Variants in ADAM11 observed in about 807,000 individuals in gnomAD.
The protein encoded by ADAM11 is disintegrin and metalloproteinase domain-containing protein 11.
In ADAM11, 49 loss-of-function variants were observed where a neutral mutation model predicts 119.1. That is an observed-to-expected ratio of 0.41 (90% CI 0.33 to 0.52). The LOEUF (loss-of-function observed/expected upper bound fraction) is 0.52. Ranked by LOEUF, ADAM11 falls within the 20% of genes least tolerant of loss-of-function variation. The pLI, the probability that ADAM11 is intolerant of heterozygous loss-of-function variation, is 0.20. For synonymous variants in ADAM11, 364 were observed against 408.0 expected (o/e 0.89, Z 1.30); for missense variants, 777 against 1,047.5 (o/e 0.74, Z 3.56).
At position 44,773,284 on chromosome 17, in the gene ADAM11, T is replaced by C; in HGVS notation, c.849T>C (p.Thr283=). ...ADVIYKEQLN[T]RIVLVAMETW... The stretch of plus-strand genomic sequence containing the variant: ...AGATATACAAGGAGCAGCTCAACAC[T>C]CGCATCGTCCTGGTTGCCATGGAAA... Residue 283 remains threonine, a synonymous_variant, in exon 11 of 27, where the codon ACT becomes ACC. Transcript: ENST00000200557. The surrounding 1 kb of genome is among the most constrained non-coding windows in gnomAD (Gnocchi z 4.6). The C allele has an allele frequency of 6.3e-7, 1 of 1,595,460 alleles. No homozygotes were observed. The highest frequency in any genetic ancestry group is 1.7e-5 in the Admixed American group (1 of 59,308).
Position 44,770,074 on chromosome 17 carries a change from G to A in ADAM11, c.381+26G>A, listed in dbSNP as rs889989252. 5.6e-6 allele frequency: 9 copies of A among 1,612,452 alleles called. No homozygotes were observed. The African/African-American group carries it at 1.1e-4, about 19-fold the overall frequency. On this transcript the variant is annotated intron_variant, in intron 4 of 26. Transcript: ENST00000200557. The stretch of plus-strand genomic sequence containing the variant: ...GTGAGTGCCACTGCAGGGGACCGGG[G>A]CCGGGGATGGAAGGGAGGTGCTGTT...
intron 2 of ADAM11, among the ~76,000 whole-genome samples, chr17:44,768,197 G>A (rs2049474271): frequency 6.6e-6 from 1 of 152,192 alleles, no homozygotes; most frequent in African/African-American, 2.4e-5. Flanking sequence ...CCAGGGGCAG[G>A]GGAAGGCCAG....
chr17:44,780,171 G>A lies in ADAM11; in HGVS notation c.*417G>A, dbSNP rs1041413686. 13 of 533,524 alleles carry A rather than the reference G, an allele frequency of 2.4e-5. No individual in the cohort carries two copies. Among genetic ancestry groups the A allele is most frequent in the African/African-American group, 2.3e-4 (12 of 52,582 alleles). The allele number at this position is 533,524 out of a possible 1,614,324, so 33.0% of individuals were successfully genotyped here. ...TTACCTCTCTGGGACCTAGGGGGAC[G>A]GGGCTGACATCTACATTTTTTAAAA... On this transcript the variant is annotated 3_prime_UTR_variant, in exon 27 of 27. Transcript: ENST00000200557.
rs555296982 is a variant in ADAM11 at position 44,772,395 on chromosome 17, A to C, written c.611-4A>C. 12 of 1,579,308 alleles carry C rather than the reference A, an allele frequency of 7.6e-6. No individual in the cohort carries two copies. The African/African-American group carries it at 1.6e-4, about 21-fold the overall frequency. ...GTGCCCCCCTCACCTGCCCCTCCCC[A>C]CAGGCTGCCTGTTTGCTGTGCCTGC... On this transcript the variant is annotated splice_polypyrimidine_tract_variant and splice_region_variant and intron_variant, in intron 7 of 26. Transcript: ENST00000200557. The surrounding 1 kb of genome is among the most constrained non-coding windows in gnomAD (Gnocchi z 4.5).
chr17:44,780,237 G>T lies in ADAM11; in HGVS notation c.*483G>T, dbSNP rs192977459. ...TGAATGTAAACTCGGGGGTGCTGGG[G>T]CCAGGGCAGATGTGGGGATGTTTTG... On this transcript the variant is annotated 3_prime_UTR_variant, in exon 27 of 27. Coordinates refer to ENST00000200557, the MANE Select transcript of ADAM11 (RefSeq NM_002390.6). 182 of 443,834 alleles carry T rather than the reference G, an allele frequency of 4.1e-4. 2 individuals carry two copies. In the East Asian group the frequency reaches 7.9e-3, roughly 19 times the overall value. The allele number at this position is 443,834 out of a possible 1,614,324, so 27.5% of individuals were successfully genotyped here.
In ADAM11 at chr17:44,772,496, CAGAGACCTCGGGCTGCAG is replaced by C. The variant is rs2049539059; in HGVS notation, c.678+40_678+57del. 6.4e-7 allele frequency: 1 copy of C among 1,553,356 alleles called. No individual in the cohort carries two copies. The highest frequency in any genetic ancestry group is 1.9e-5 in the Admixed American group (1 of 51,730). On this transcript the variant is annotated intron_variant, in intron 8 of 26. Coordinates refer to ENST00000200557, the MANE Select transcript of ADAM11 (RefSeq NM_002390.6). The surrounding 1 kb of genome is among the most constrained non-coding windows in gnomAD (Gnocchi z 4.5). The stretch of plus-strand genomic sequence containing the variant: ...GGGGGCCCGCACAGACCTCGGGCTG[CAGAGACCTCGGGCTGCAG>C]AGAGACCTCAGGCCGTGGCCCAGAG...
intron 25 of ADAM11, among the ~76,000 whole-genome samples, chr17:44,778,713 A>AAAAAAAAAAAG (rs71136047): frequency 2.7e-4 from 22 of 80,458 alleles, no homozygotes; most frequent in Non-Finnish European, 2.9e-4. Context: ...AAAAAAAAAA[A>AAAAAAAAAAAG]GAAAGAAAGA....
intron 1 of ADAM11, 112 bp downstream of exon 1, chr17:44,759,372 C>T (rs2049360857): frequency 3.2e-6 from 4 of 1,268,490 alleles, no homozygotes; most frequent in Non-Finnish European, 4.0e-6. Context: ...ACAGCCGGTC[C>T]GGAGCGCGGG....
Position 44,777,009 on chromosome 17 carries a change from C to T in ADAM11, c.1681+47C>T, listed in dbSNP as rs1439320986. ...AGTGGGGACTCCGGAGGACCCAGAG[C>T]TGAGAAGCTGGGGAGAGTGGGTTCC... On this transcript the variant is annotated intron_variant, in intron 20 of 26. Coordinates refer to ENST00000200557, the MANE Select transcript of ADAM11 (RefSeq NM_002390.6). This position sits in a 1 kb window ranked among gnomAD's most constrained non-coding sequence, Gnocchi z 5.1. The T allele has an allele frequency of 1.3e-6, 2 of 1,589,236 alleles. No homozygotes were observed. Among genetic ancestry groups the T allele is most frequent in the East Asian group, 4.5e-5 (2 of 44,354 alleles).
rs992209772 is a variant in ADAM11, at chr17:44,777,045, G to A, written c.1681+83G>A. The A allele has an allele frequency of 2.6e-6, 4 of 1,555,204 alleles. No homozygotes were observed. Among genetic ancestry groups the A allele is most frequent in the Non-Finnish European group, 1.7e-6 (2 of 1,143,160 alleles). On this transcript the variant is annotated intron_variant, in intron 20 of 26. Coordinates refer to ENST00000200557, the MANE Select transcript of ADAM11 (RefSeq NM_002390.6). This position sits in a 1 kb window ranked among gnomAD's most constrained non-coding sequence, Gnocchi z 5.1. ...GGGAGAGTGGGTTCCAGCTGAACAGGCCCCCAAGTGTGTAGCTCCCCAGGA... is the reference window on the plus strand; with the variant it reads ...GGGAGAGTGGGTTCCAGCTGAACAGACCCCCAAGTGTGTAGCTCCCCAGGA...
In ADAM11 at chr17:44,774,679, C is replaced by T. The variant is rs373351333; in HGVS notation, c.1169-19C>T. The T allele has an allele frequency of 1.3e-4, 201 of 1,591,266 alleles. No individual in the cohort carries two copies. Among genetic ancestry groups the T allele is most frequent in the Non-Finnish European group, 1.6e-4 (189 of 1,167,960 alleles). ...GGTGGTCCTTGGCCTCCCTCATATC[C>T]GCCTGGCTCACCCCTCAGGGGACTG... On this transcript the variant is annotated intron_variant, in intron 13 of 26. Transcript: ENST00000200557.
chr17:44,763,504 C>T (rs1469231065), intron 2 of ADAM11, among the ~76,000 whole-genome samples: 1 of 152,206 alleles, frequency 6.6e-6, no homozygotes, highest in Non-Finnish European at 1.5e-5. Context: ...AGGCCTGAGG[C>T]CCAGAGAAGT....
rs1321862615 is a variant in ADAM11, at chr17:44,772,518, G to A, written c.678+52G>A. Reference sequence around the variant, plus strand: ...CTGCAGAGACCTCGGGCTGCAGAGAGACCTCAGGCCGTGGCCCAGAGCAGG... The same window carrying A: ...CTGCAGAGACCTCGGGCTGCAGAGAAACCTCAGGCCGTGGCCCAGAGCAGG... On this transcript the variant is annotated intron_variant, in intron 8 of 26. Coordinates refer to ENST00000200557, the MANE Select transcript of ADAM11 (RefSeq NM_002390.6). This position sits in a 1 kb window ranked among gnomAD's most constrained non-coding sequence, Gnocchi z 4.5. 1.3e-6 allele frequency: 2 copies of A among 1,540,848 alleles called. No individual in the cohort carries two copies. The highest frequency in any genetic ancestry group is 1.8e-6 in the Non-Finnish European group (2 of 1,140,512).
chr17:44,778,687 T>A (rs1369868009), intron 25 of ADAM11, among the ~76,000 whole-genome samples: 2 of 4,830 alleles, frequency 4.1e-4, no homozygotes, highest in Non-Finnish European at 3.9e-4. Flanking sequence ...CAAGACTGCG[T>A]CAAAAAAAAA....
At chr17:44,768,833 T>G (rs940178826) in intron 2 of ADAM11, among the ~76,000 whole-genome samples, 1 of 152,106 alleles carries the variant, frequency 6.6e-6, no homozygotes, top group Non-Finnish European at 1.5e-5. Context: ...ACCCTCATGT[T>G]GGGGTCTGGA....
Position 44,773,563 on chromosome 17 carries a change from C to T in ADAM11, c.992+136C>T, listed in dbSNP as rs1459430505. ...GCTCACCTTGCACCTGCCACCTACCCCCAGCCACATGCAACAGCTGGGCAT... is the reference window on the plus strand; with the variant it reads ...GCTCACCTTGCACCTGCCACCTACCTCCAGCCACATGCAACAGCTGGGCAT... On this transcript the variant is annotated intron_variant, in intron 11 of 26. Coordinates refer to ENST00000200557, the MANE Select transcript of ADAM11 (RefSeq NM_002390.6). The surrounding 1 kb of genome is among the most constrained non-coding windows in gnomAD (Gnocchi z 4.6). 6.5e-6 allele frequency: 7 copies of T among 1,072,442 alleles called. No homozygotes were observed. The African/African-American group carries it at 1.1e-4, about 17-fold the overall frequency. 66.4% of individuals were successfully genotyped at this position (1,072,442 alleles called of 1,614,324 possible).
chr17:44,760,035 G>T, intron 2 of ADAM11, 138 bp downstream of exon 2: 1 of 914,246 alleles, frequency 1.1e-6, no homozygotes, highest in Non-Finnish European at 1.4e-6. Flanking sequence ...CTATCCGGTG[G>T]GTGCTGGAGC....
chr17:44,768,640 C>A (rs1482008238), intron 2 of ADAM11, among the ~76,000 whole-genome samples: 1 of 152,164 alleles, frequency 6.6e-6, no homozygotes, highest in Non-Finnish European at 1.5e-5. Flanking sequence ...CAGGGCCCGG[C>A]ACACAAGAAG....
intron 26 of ADAM11, 60 bp downstream of exon 26, chr17:44,779,299 C>A: frequency 6.5e-7 from 1 of 1,539,412 alleles, no homozygotes; most frequent in Non-Finnish European, 8.7e-7. Context: ...TCCCGCTGTC[C>A]TTGTCTCCTC....
Sources: gnomAD v4.1 joint callset for allele counts (sites outside exome capture counted in the v4.1 genomes callset) on GRCh38, gnomAD v4.1.1 for gene constraint, Gnocchi (gnomAD v3.1) non-coding constraint, MANE v1.5 for transcripts, NCBI Gene and HGNC (gene_info 2026-07-23, HGNC 2026-07-21) for gene names.